The following ILRUN variants were observed in gnomAD, a reference collection of about 807,000 sequenced individuals.
ILRUN encodes the protein protein ILRUN.
Under a neutral mutation model 33.8 loss-of-function variants are expected in ILRUN, and 3 were observed. The ratio of observed to expected loss-of-function variants is 0.09; its 90% confidence interval spans 0.04 to 0.23. ILRUN has a LOEUF of 0.23. Among genes scored for constraint, ILRUN ranks in the 10% least tolerant of loss-of-function variants. ILRUN has a pLI of 1.00. For synonymous variants in ILRUN, 124 were observed against 138.9 expected, an observed-to-expected ratio of 0.89 and a Z score of 0.75; for missense variants, 210 against 375.1, an observed-to-expected ratio of 0.56 and a Z score of 3.64.
chr6:34,590,474 T>C lies in ILRUN; in HGVS notation c.*91A>G, dbSNP rs1009204903. The C allele has an allele frequency of 2.8e-5, 44 of 1,593,166 alleles. No homozygotes were observed. In the East Asian group the frequency reaches 6.1e-4, roughly 22 times the overall value. On this transcript the variant is annotated 3_prime_UTR_variant, in exon 5 of 5. Coordinates refer to ENST00000374023, the MANE Select transcript of ILRUN (RefSeq NM_024294.4). ...GGGTCAGAGCCAGGGGTCTGTGCGA[T>C]GTGGTCTGCAATCCAGAGGAACCCC...
intron 1 of ILRUN, among the ~76,000 whole-genome samples, chr6:34,662,305 C>CAAA (rs528133769): frequency 1.3e-5 from 1 of 75,184 alleles, no homozygotes; most frequent in Non-Finnish European, 2.7e-5. Context: ...GACTCCGTCT[C>CAAA]AAAAAAAAAA....
At chr6:34,696,417 C>T (rs768376646) in intron 1 of ILRUN, 29 bp downstream of exon 1, 1 of 1,549,932 alleles carries the variant, frequency 6.5e-7, no homozygotes, top group Non-Finnish European at 8.7e-7. Flanking sequence ...GAGGCCGCTG[C>T]CAGCGCTGGC....
intron 1 of ILRUN, among the ~76,000 whole-genome samples, chr6:34,691,413 A>G (rs1487794538): frequency 3.3e-5 from 5 of 152,244 alleles, no homozygotes; most frequent in Non-Finnish European, 7.3e-5. Flanking sequence ...GTTAACAGAC[A>G]GTTCCATCAA....
At chr6:34,620,148 G>A (rs1334131729) in intron 3 of ILRUN, among the ~76,000 whole-genome samples, 2 of 152,082 alleles carry the variant, frequency 1.3e-5, no homozygotes, top group Admixed American at 1.3e-4. Context: ...TAGCTGAAGG[G>A]GGCAGGGATG....
rs757061827 is a variant in ILRUN, at chr6:34,646,617, T to C, written c.495A>G (p.Thr165=). 6.2e-7 allele frequency: 1 copy of C among 1,614,130 alleles called. No individual in the cohort carries two copies. The highest frequency in any genetic ancestry group is 2.2e-5 in the East Asian group (1 of 44,880). ...CATACTCACCTCCATAGTAGAGTCC[T>C]GTAGCAGTGCACATCCGCCACTGTC... ...YQGQWRMCTA[T]GLYYGDVIWV... Residue 165 remains threonine, a synonymous_variant, in exon 3 of 5, where the codon ACA becomes ACG. Coordinates refer to ENST00000374023, the MANE Select transcript of ILRUN (RefSeq NM_024294.4). This position sits in a 1 kb window ranked among gnomAD's most constrained non-coding sequence, Gnocchi z 4.9.
At chr6:34,666,114 G>T (rs987015524) in intron 1 of ILRUN, among the ~76,000 whole-genome samples, 3 of 152,180 alleles carry the variant, frequency 2.0e-5, no homozygotes, top group Non-Finnish European at 4.4e-5. Context: ...AATATATGAT[G>T]GGCAAAGACA....
rs1761644588 is a variant in ILRUN at position 34,606,852 on chromosome 6, C to T, written c.564G>A (p.Thr188=). 4.3e-6 allele frequency: 7 copies of T among 1,613,850 alleles called. No homozygotes were observed. Among genetic ancestry groups the T allele is most frequent in the African/African-American group, 2.7e-5 (2 of 74,852 alleles). The change falls in exon 4 of 5, where the codon ACG becomes ACA. Residue 188 remains threonine, a synonymous_variant. Coordinates refer to ENST00000374023, the MANE Select transcript of ILRUN (RefSeq NM_024294.4). ...CCGTTTCAAAAGATGACAGCTGCTGCGTTACTCCTAAAAGTCCACCCACCT... is the reference window on the plus strand; with the variant it reads ...CCGTTTCAAAAGATGACAGCTGCTGTGTTACTCCTAAAAGTCCACCCACCT... ...SVEVGGLLGV[T]QQLSSFETEF...
chr6:34,633,132 G>A (rs1035144575), intron 3 of ILRUN, among the ~76,000 whole-genome samples: 17 of 152,100 alleles, frequency 1.1e-4, no homozygotes, highest in African/African-American at 4.1e-4. Context: ...AGTTAAAGTG[G>A]CTATACTAGT....
intron 1 of ILRUN, among the ~76,000 whole-genome samples, chr6:34,682,550 G>A (rs201897965): frequency 2.0e-5 from 3 of 151,362 alleles, no homozygotes; most frequent in Middle Eastern, 3.4e-3. Context: ...GAGCCACCGC[G>A]CCCAGCCAAT....
intron 1 of ILRUN, chr6:34,686,753 G>A (rs1324618481): frequency 1.1e-5 from 2 of 190,018 alleles, no homozygotes; most frequent in Admixed American, 1.0e-4. Flanking sequence ...CGGATCACGA[G>A]GTCAGGAGAT....
rs1761217756 is a variant in ILRUN at position 34,587,543 on chromosome 6, T to A, written c.*3022A>T. On this transcript the variant is annotated 3_prime_UTR_variant, in exon 5 of 5. Transcript: ENST00000374023. ...TTGCACTTCTGAGCCCTGGCAACCC[T>A]ACCATCCTCTCCTGCTGGGCTCAGA... is the stretch of plus-strand genomic sequence containing the variant. The A allele has an allele frequency of 6.6e-6, 1 of 152,642 alleles. No homozygotes were observed. The highest frequency in any genetic ancestry group is 1.5e-5 in the Non-Finnish European group (1 of 68,070). 9.5% of individuals were successfully genotyped at this position (152,642 alleles called of 1,614,324 possible).
At chr6:34,616,009 A>G (rs570577346) in intron 3 of ILRUN, among the ~76,000 whole-genome samples, 124 of 152,332 alleles carry the variant, frequency 8.1e-4, no homozygotes, top group African/African-American at 2.8e-3. Flanking sequence ...TGCTTCATCA[A>G]TAGGCTTCCA....
At chr6:34,647,985 C>T (rs1036933419) in intron 2 of ILRUN, among the ~76,000 whole-genome samples, 2 of 152,236 alleles carry the variant, frequency 1.3e-5, no homozygotes, top group African/African-American at 4.8e-5. Flanking sequence ...AGGCATGAGC[C>T]ATGGCGCCCA....
chr6:34,616,420 T>C lies in ILRUN; in HGVS notation c.512-9516A>G, dbSNP rs1256841191. Reference sequence around the variant, plus strand: ...GCTACAGGCTCATATTTCATCTCTATAGAAAAGCTGGGTGTGTACTGTCTA... The same window carrying C: ...GCTACAGGCTCATATTTCATCTCTACAGAAAAGCTGGGTGTGTACTGTCTA... On this transcript the variant is annotated intron_variant, in intron 3 of 4. Transcript: ENST00000374023. The C allele has an allele frequency of 2.6e-4, 140 of 536,874 alleles. 1 individual carries two copies. The highest frequency in any genetic ancestry group is 3.3e-5 in the Non-Finnish European group (10 of 305,878). 33.3% of individuals were successfully genotyped at this position (536,874 alleles called of 1,614,324 possible). A position where few individuals can be genotyped will look rare whatever the true frequency, so the allele number is the denominator to read the frequency against.
intron 2 of ILRUN, among the ~76,000 whole-genome samples, chr6:34,652,985 T>G (rs1412850673): frequency 1.3e-5 from 2 of 151,636 alleles, no homozygotes; most frequent in Middle Eastern, 3.4e-3. Flanking sequence ...CTACAAAAAC[T>G]TTAAAAAATT....
rs148635351 is a variant in ILRUN, at chr6:34,646,871, G to A, written c.314-73C>T. The A allele has an allele frequency of 6.5e-4, 894 of 1,371,408 alleles. 6 individuals carry two copies. The African/African-American group carries it at 1.0e-2, about 15-fold the overall frequency. The allele number at this position is 1,371,408 out of a possible 1,614,324, so 85.0% of individuals were successfully genotyped here. On this transcript the variant is annotated intron_variant, in intron 2 of 4. Transcript: ENST00000374023. The surrounding 1 kb of genome is among the most constrained non-coding windows in gnomAD (Gnocchi z 4.9). ...GCTGGGTGCAGTTTATTATGAAACTGTAGAAGAGGCCTCTTTCTTTTTCTC... is the reference window on the plus strand; with the variant it reads ...GCTGGGTGCAGTTTATTATGAAACTATAGAAGAGGCCTCTTTCTTTTTCTC...
intron 3 of ILRUN, among the ~76,000 whole-genome samples, chr6:34,626,224 T>G (rs1381920981): frequency 6.6e-6 from 1 of 152,164 alleles, no homozygotes; most frequent in African/African-American, 2.4e-5. Flanking sequence ...CAGGCTGGAG[T>G]GCAATGGTGC....
chr6:34,674,515 A>G (rs1447233294), intron 1 of ILRUN, among the ~76,000 whole-genome samples: 1 of 152,180 alleles, frequency 6.6e-6, no homozygotes, highest in Non-Finnish European at 1.5e-5. Flanking sequence ...GTGTAAAGTC[A>G]ACAGATAATG....
intron 3 of ILRUN, among the ~76,000 whole-genome samples, chr6:34,627,748 G>A (rs1163911485): frequency 6.8e-6 from 1 of 146,604 alleles, no homozygotes; most frequent in Non-Finnish European, 1.5e-5. Context: ...TTGTAGCCCA[G>A]GCTGGAGTGC....
Sources: gnomAD v4.1 joint callset for allele counts (sites outside exome capture counted in the v4.1 genomes callset) on GRCh38, gnomAD v4.1.1 for gene constraint, Gnocchi (gnomAD v3.1) non-coding constraint, MANE v1.5 for transcripts, NCBI Gene and HGNC (gene_info 2026-07-23, HGNC 2026-07-21) for gene names.